PDGFD: variants seen among roughly 807,000 people sequenced by gnomAD.
PDGFD encodes the protein platelet derived growth factor D.
PDGFD carries 30 observed loss-of-function variants against 44.7 expected under a neutral mutation model. That is an observed-to-expected ratio of 0.67 (90% CI 0.50 to 0.91). PDGFD has a LOEUF of 0.91. Ranked by LOEUF, PDGFD falls within the 40% of genes least tolerant of loss-of-function variation. The probability of loss-of-function intolerance (pLI) is 0.00; values close to 1 mark genes in which losing one functional copy is unlikely to be tolerated. For missense variants in PDGFD, 445 were observed against 457.8 expected (o/e 0.97, Z 0.25); for synonymous variants, 173 against 168.4 (o/e 1.03, Z -0.21).
At chr11:103,963,106 C>T (rs546381350) in intron 3 of PDGFD, among the ~76,000 whole-genome samples, 6 of 152,234 alleles carry the variant, frequency 3.9e-5, no homozygotes, top group East Asian at 3.9e-4. Flanking sequence ...TTAAACACTT[C>T]GTGCTACCTG....
chr11:103,919,502 C>CTTTTTTTTTTT (rs71037206), intron 6 of PDGFD, among the ~76,000 whole-genome samples: 1 of 88,764 alleles, frequency 1.1e-5, no homozygotes, highest in Non-Finnish European at 2.1e-5. Context: ...AAGATTCTTC[C>CTTTTTTTTTTT]TTTTTTTTTT....
intron 6 of PDGFD, among the ~76,000 whole-genome samples, chr11:103,915,722 A>C (rs762514706): frequency 6.6e-6 from 1 of 152,236 alleles, no homozygotes; most frequent in African/African-American, 2.4e-5. Flanking sequence ...CCAAAACTGC[A>C]TGGTACTGGT....
chr11:104,082,000 G>T (rs918426608), intron 1 of PDGFD, among the ~76,000 whole-genome samples: 3 of 151,774 alleles, frequency 2.0e-5, no homozygotes, highest in African/African-American at 7.3e-5. Context: ...ATAAATAATG[G>T]ACTTGGTGTA....
At chr11:103,974,511 G>A (rs1833594161) in intron 3 of PDGFD, among the ~76,000 whole-genome samples, 1 of 152,084 alleles carries the variant, frequency 6.6e-6, no homozygotes, top group Non-Finnish European at 1.5e-5. Context: ...TGCAGAATGT[G>A]CAGGTTTGTT....
rs1192858906 is a variant in PDGFD at position 104,124,740 on chromosome 11, A to T, written c.124+39064T>A. Among the ~76,000 whole-genome samples the T allele has an allele frequency of 2.6e-5, 4 of 152,226 alleles. No individual in the cohort carries two copies. In the East Asian group the frequency reaches 7.7e-4, roughly 29 times the overall value. Reference sequence around the variant, plus strand: ...CTACTGTTTCCTAAAGGCACTAAAAAAATGAGGGTTTCCTTCTCCAGCAAA... The same window carrying T: ...CTACTGTTTCCTAAAGGCACTAAAATAATGAGGGTTTCCTTCTCCAGCAAA... On this transcript the variant is annotated intron_variant, in intron 1 of 6. Coordinates refer to ENST00000393158, the MANE Select transcript of PDGFD (RefSeq NM_025208.5).
At chr11:103,920,587 T>G (rs1027872904) in intron 6 of PDGFD, among the ~76,000 whole-genome samples, 1 of 152,222 alleles carries the variant, frequency 6.6e-6, no homozygotes, top group East Asian at 1.9e-4. Flanking sequence ...CAGTTTGTAA[T>G]ACTTAAACAA....
intron 1 of PDGFD, among the ~76,000 whole-genome samples, chr11:104,128,260 C>A (rs542806351): frequency 2.0e-5 from 3 of 151,900 alleles, no homozygotes; most frequent in Non-Finnish European, 2.9e-5. Flanking sequence ...AAAGGATATG[C>A]CACCTTGAAT....
At chr11:103,919,870 G>A (rs1254459454) in intron 6 of PDGFD, among the ~76,000 whole-genome samples, 1 of 146,438 alleles carries the variant, frequency 6.8e-6, no homozygotes, top group Non-Finnish European at 1.5e-5. Context: ...AAAAAAAAAA[G>A]CTTCTCTTTT....
chr11:104,025,335 C>T (rs1336308120), intron 1 of PDGFD, among the ~76,000 whole-genome samples: 1 of 152,216 alleles, frequency 6.6e-6, no homozygotes, highest in Non-Finnish European at 1.5e-5. Context: ...GTATGGGGTG[C>T]AAATCCACTG....
intron 1 of PDGFD, among the ~76,000 whole-genome samples, chr11:104,061,649 A>T (rs909640365): frequency 6.6e-6 from 1 of 152,156 alleles, no homozygotes. Flanking sequence ...TCTCTCTATT[A>T]TCCAGGCTGG....
At chr11:104,050,614 A>G (rs761058628) in intron 1 of PDGFD, among the ~76,000 whole-genome samples, 1 of 152,114 alleles carries the variant, frequency 6.6e-6, no homozygotes, top group Non-Finnish European at 1.5e-5. Flanking sequence ...GTAAAGTGAT[A>G]ACGTGTGGGT....
intron 6 of PDGFD, among the ~76,000 whole-genome samples, chr11:103,922,536 A>T (rs1414594093): frequency 7.0e-6 from 1 of 141,862 alleles, no homozygotes; most frequent in Non-Finnish European, 1.6e-5. Context: ...TATACCCAGA[A>T]GAAAGAAGAA....
At chr11:103,999,967 G>A (rs759448274) in intron 2 of PDGFD, 84 bp downstream of exon 2, 119 of 1,232,364 alleles carry the variant, frequency 9.7e-5, no homozygotes, top group Non-Finnish European at 1.3e-4. Flanking sequence ...AGGCTCAAAA[G>A]GAATGTTTGA....
At chr11:103,946,770 T>C (rs1325589364) in intron 4 of PDGFD, among the ~76,000 whole-genome samples, 2 of 152,220 alleles carry the variant, frequency 1.3e-5, no homozygotes, top group Non-Finnish European at 2.9e-5. Flanking sequence ...CTCTCCAATC[T>C]TTTGATCAGA....
In PDGFD at chr11:104,059,970, A is replaced by G. The variant is rs573957561; in HGVS notation, c.125-59715T>C. On this transcript the variant is annotated intron_variant, in intron 1 of 6. Coordinates refer to ENST00000393158, the MANE Select transcript of PDGFD (RefSeq NM_025208.5). ...ACTGTATGGGAGATTTAGCTTCTGC[A>G]AGGGATTGGCCTAAATGGGTGATAG... Among the ~76,000 whole-genome samples the G allele has an allele frequency of 2.0e-5, 3 of 152,338 alleles. No homozygotes were observed. The East Asian group carries it at 5.8e-4, about 29-fold the overall frequency.
chr11:103,990,896 T>C (rs1319957892), intron 3 of PDGFD, among the ~76,000 whole-genome samples: 1 of 151,998 alleles, frequency 6.6e-6, no homozygotes, highest in Non-Finnish European at 1.5e-5. Context: ...TCCTAGCACT[T>C]TGGGAGGCTG....
intron 5 of PDGFD, among the ~76,000 whole-genome samples, chr11:103,941,096 G>C (rs1032129030): frequency 6.6e-6 from 1 of 152,050 alleles, no homozygotes; most frequent in Non-Finnish European, 1.5e-5. Flanking sequence ...AATCTCTAAA[G>C]TAGTGTTTCT....
In PDGFD at chr11:103,909,719, A is replaced by G; in HGVS notation, c.1088T>C (p.Ile363Thr). 3 of 1,614,092 alleles carry G rather than the reference A, an allele frequency of 1.9e-6. No individual in the cohort carries two copies. Among genetic ancestry groups the G allele is most frequent in the Non-Finnish European group, 2.5e-6 (3 of 1,179,928 alleles). Reference sequence around the variant, plus strand: ...TTATCGAGGTGGTCTTGAGCTGCAGATACAATCACATCGTTCATGGTGATC... The same window carrying G: ...TTATCGAGGTGGTCTTGAGCTGCAGGTACAATCACATCGTTCATGGTGATC... Reference protein sequence around the residue: ...QLDHHERCDCICSSRPPR With the variant: ...QLDHHERCDCTCSSRPPR The change falls in exon 7 of 7, where the codon ATC (isoleucine) becomes ACC (threonine). Residue 363 changes from isoleucine to threonine, a missense_variant. By Grantham distance (89) the Ile-to-Thr change is moderately conservative. Transcript: ENST00000393158.
chr11:103,996,617 T>C (rs1859537070), intron 2 of PDGFD, among the ~76,000 whole-genome samples: 1 of 152,196 alleles, frequency 6.6e-6, no homozygotes, highest in African/African-American at 2.4e-5. Context: ...ATTAACTATA[T>C]AAAGTTTTTA....
Sources: gnomAD v4.1 joint callset for allele counts (sites outside exome capture counted in the v4.1 genomes callset) on GRCh38, gnomAD v4.1.1 for gene constraint, MANE v1.5 for transcripts, NCBI Gene and HGNC (gene_info 2026-07-23, HGNC 2026-07-21) for gene names.